Variants in ANKMY1 observed in about 807,000 individuals in gnomAD.
ANKMY1 encodes ankyrin repeat and MYND domain containing 1.
In ANKMY1, 98 loss-of-function variants were observed where a neutral mutation model predicts 102.0. That is an observed-to-expected ratio of 0.96 (90% CI 0.82 to 1.14). The LOEUF (loss-of-function observed/expected upper bound fraction) is 1.14, where lower values mean the gene tolerates loss of function less well. ANKMY1 is among the 50% of genes most tolerant of loss of function. The pLI is 0.00. For missense variants in ANKMY1, 1,330 were observed against 1,347.6 expected, an observed-to-expected ratio of 0.99 and a Z score of 0.20; for synonymous variants, 582 against 559.9, an observed-to-expected ratio of 1.04 and a Z score of -0.56.
chr2:240,534,346 C>T (rs563719202), intron 4 of ANKMY1, among the ~76,000 whole-genome samples: 1 of 152,314 alleles, frequency 6.6e-6, no homozygotes, highest in East Asian at 1.9e-4. Context: ...GTGGCTCATG[C>T]CTGCAATCCT....
intron 13 of ANKMY1, among the ~76,000 whole-genome samples, chr2:240,503,507 C>T (rs1481892949): frequency 6.6e-6 from 1 of 152,146 alleles, no homozygotes; most frequent in African/African-American, 2.4e-5. Flanking sequence ...CCCAGGGAGT[C>T]AGGGGGGCCC....
chr2:240,550,563 T>G (rs916226802), intron 4 of ANKMY1, among the ~76,000 whole-genome samples: 5 of 152,214 alleles, frequency 3.3e-5, no homozygotes, highest in African/African-American at 4.8e-5. Context: ...GGTAAATTTT[T>G]GATCTTAAAT....
At chr2:240,554,280 C>T (rs1240940713) in intron 3 of ANKMY1, 1 of 152,292 alleles carries the variant, frequency 6.6e-6, no homozygotes, top group East Asian at 1.9e-4. Context: ...TGTTTGATGC[C>T]ACCCCCAGGG....
At chr2:240,479,768 T>A in intron 17 of ANKMY1, 113 bp from the exon 18 acceptor site, 2 of 917,928 alleles carry the variant, frequency 2.2e-6, no homozygotes, top group Non-Finnish European at 3.4e-6. Context: ...GTGCTCTGTC[T>A]AGAGCTTTTG....
At chr2:240,515,322 G>T (rs1017635823) in intron 9 of ANKMY1, among the ~76,000 whole-genome samples, 1 of 152,098 alleles carries the variant, frequency 6.6e-6, no homozygotes, top group African/African-American at 2.4e-5. Context: ...GGATCACTAG[G>T]TCAGGAGTTC....
chr2:240,538,658 G>A (rs901840919), intron 4 of ANKMY1, among the ~76,000 whole-genome samples: 1 of 152,196 alleles, frequency 6.6e-6, no homozygotes, highest in African/African-American at 2.4e-5. Flanking sequence ...GAGTATGGGC[G>A]TGCAGTGAGG....
intron 6 of ANKMY1, 85 bp downstream of exon 6, chr2:240,526,144 A>T: frequency 6.7e-7 from 1 of 1,500,522 alleles, no homozygotes; most frequent in Admixed American, 1.7e-5. Context: ...CTGCTCCTGC[A>T]GAGGGGGCCA....
intron 15 of ANKMY1, among the ~76,000 whole-genome samples, chr2:240,496,903 C>A (rs546919145): frequency 1.2e-4 from 19 of 152,334 alleles, no homozygotes; most frequent in African/African-American, 4.1e-4. Context: ...GGGCTCTTCC[C>A]AGCTATCTTT....
chr2:240,509,626 A>T (rs545365744), intron 11 of ANKMY1, among the ~76,000 whole-genome samples, 171 bp from the exon 12 acceptor site: 1 of 152,164 alleles, frequency 6.6e-6, no homozygotes, highest in Non-Finnish European at 1.5e-5. Flanking sequence ...GCATAGATGG[A>T]TAGGTGAATG....
chr2:240,521,644 A>G (rs112154518), intron 8 of ANKMY1, among the ~76,000 whole-genome samples: 15,215 of 151,520 alleles, frequency 0.1, 940 homozygotes, highest in South Asian at 0.18. Flanking sequence ...GACTACAGGC[A>G]CCCGCCACCA....
chr2:240,555,551 G>C (rs1410002819), intron 2 of ANKMY1: 1 of 168,424 alleles, frequency 5.9e-6, no homozygotes, highest in Non-Finnish European at 1.3e-5. Context: ...AGGTGGATAG[G>C]TGGACAGATG....
intron 3 of ANKMY1, 101 bp downstream of exon 3, chr2:240,554,765 T>A: frequency 1.0e-5 from 14 of 1,374,206 alleles, no homozygotes; most frequent in Non-Finnish European, 1.4e-5. Context: ...ACCCTTCCTG[T>A]TGATGGGCCT....
intron 9 of ANKMY1, among the ~76,000 whole-genome samples, chr2:240,515,080 G>C (rs2080932279): frequency 6.6e-6 from 1 of 152,212 alleles, no homozygotes; most frequent in South Asian, 2.1e-4. Flanking sequence ...TCGTAAAAGA[G>C]GTGAGCACAT....
intron 4 of ANKMY1, among the ~76,000 whole-genome samples, chr2:240,539,986 C>T (rs2088229083): frequency 6.6e-6 from 1 of 152,204 alleles, no homozygotes; most frequent in Non-Finnish European, 1.5e-5. Context: ...AAAACAGACT[C>T]TCTATAGCAA....
chr2:240,507,620 C>G lies in ANKMY1; in HGVS notation c.2466G>C (p.Leu822=), dbSNP rs144808565. Residue 822 remains leucine, a synonymous_variant, in exon 13 of 18, where the codon CTG becomes CTC. Coordinates refer to ENST00000401804, the MANE Select transcript of ANKMY1 (RefSeq NM_001282771.3). ...LPLTKGLGSA[L]CVACDLTYEH... Reference sequence around the variant, plus strand: ...CGTAGGTCAGGTCACAGGCAACACACAGGGCACTGCCCAAGCCTTTGGTCA... The same window carrying G: ...CGTAGGTCAGGTCACAGGCAACACAGAGGGCACTGCCCAAGCCTTTGGTCA... 4 of 1,612,074 alleles carry G rather than the reference C, an allele frequency of 2.5e-6. No homozygotes were observed. Among genetic ancestry groups the G allele is most frequent in the Non-Finnish European group, 3.4e-6 (4 of 1,179,014 alleles).
chr2:240,482,907 T>C (rs2075591065), intron 15 of ANKMY1, among the ~76,000 whole-genome samples: 1 of 152,238 alleles, frequency 6.6e-6, no homozygotes, highest in African/African-American at 2.4e-5. Context: ...CTGACTATTA[T>C]TGTTGAGTTA....
intron 4 of ANKMY1, among the ~76,000 whole-genome samples, chr2:240,537,191 T>C (rs529652087): frequency 2.6e-5 from 4 of 152,326 alleles, no homozygotes; most frequent in Admixed American, 1.3e-4. Flanking sequence ...CACCCTCACC[T>C]GCAGCCAGGC....
chr2:240,483,118 T>C (rs987513547), intron 15 of ANKMY1, among the ~76,000 whole-genome samples: 2 of 152,188 alleles, frequency 1.3e-5, no homozygotes, highest in Non-Finnish European at 2.9e-5. Flanking sequence ...TGTTCCCATG[T>C]TAGTTTTTCA....
chr2:240,487,745 A>T (rs10206928), intron 15 of ANKMY1, among the ~76,000 whole-genome samples: 39,982 of 151,876 alleles, frequency 0.26, 6,237 homozygotes, highest in East Asian at 0.67. Flanking sequence ...ACAGATGAGC[A>T]TTTTTTCATA....
Sources: allele counts gnomAD v4.1 joint callset (sites outside exome capture counted in the v4.1 genomes callset), GRCh38; gene constraint gnomAD v4.1.1; transcripts MANE v1.5; gene names NCBI Gene and HGNC (gene_info 2026-07-23, HGNC 2026-07-21).